The following ATG7 variants were observed in gnomAD, a reference collection of about 807,000 sequenced individuals.
ATG7 encodes autophagy related 7.
Under a neutral mutation model 82.4 loss-of-function variants are expected in ATG7, and 70 were observed. That is an observed-to-expected ratio of 0.85 (90% CI 0.70 to 1.04). ATG7 has a LOEUF of 1.04. Among genes scored for constraint, ATG7 ranks in the 50% least tolerant of loss-of-function variants. The pLI, the probability that ATG7 is intolerant of heterozygous loss-of-function variation, is 0.00. For synonymous variants in ATG7, 287 were observed against 313.0 expected (o/e 0.92, Z 0.88); for missense variants, 792 against 864.3 (o/e 0.92, Z 1.05).
At position 11,417,800 on chromosome 3, in the gene ATG7, A is replaced by ATTATTTTTTT. The variant is rs1553652380; in HGVS notation, c.1957-9002_1957-9001insATTTTTTTTT. The stretch of plus-strand genomic sequence containing the variant: ...CATTTAAAAAATTATTATTATTATT[A>ATTATTTTTTT]TTTTATTTTATTTTATTTTTTTTTT... On this transcript the variant is annotated intron_variant, in intron 19 of 20. Coordinates refer to ENST00000693202, the MANE Select transcript of ATG7 (RefSeq NM_001349232.2). Among the ~76,000 whole-genome samples the ATTATTTTTTT allele has an allele frequency of 1.5e-3, 160 of 109,250 alleles. 2 individuals are homozygous for ATTATTTTTTT. Among genetic ancestry groups the ATTATTTTTTT allele is most frequent in the East Asian group, 3.4e-3 (11 of 3,264 alleles). The allele number at this position is 109,250 out of a possible 152,430, so 71.7% of individuals were successfully genotyped here.
At chr3:11,349,013 A>G (rs1209450819) in intron 14 of ATG7, among the ~76,000 whole-genome samples, 4 of 151,518 alleles carry the variant, frequency 2.6e-5, no homozygotes, top group Admixed American at 1.3e-4. Context: ...TGGTGTGTTT[A>G]CAATCCTCTA....
At chr3:11,279,875 C>T (rs1471449992) in intron 1 of ATG7, among the ~76,000 whole-genome samples, 2 of 151,872 alleles carry the variant, frequency 1.3e-5, no homozygotes, top group Non-Finnish European at 2.9e-5. Flanking sequence ...ACTCCGATTC[C>T]TCTTCTGTTT....
intron 3 of ATG7, among the ~76,000 whole-genome samples, chr3:11,296,156 C>T (rs1180351791): frequency 1.3e-5 from 2 of 152,182 alleles, no homozygotes; most frequent in East Asian, 3.8e-4. Context: ...CTCTGAGTAA[C>T]TTCTAAGAAC....
chr3:11,559,202 C>G (rs2072734098), downstream of ATG7: 3 of 1,409,606 alleles, frequency 2.1e-6, no homozygotes, highest in African/African-American at 4.4e-5. Context: ...TGGACGTGCT[C>G]AAGAAATACT....
rs1425716841 is a variant in ATG7 at position 11,402,445 on chromosome 3, A to T, written c.1956+22393A>T. On this transcript the variant is annotated intron_variant, in intron 19 of 20. Coordinates refer to ENST00000693202, the MANE Select transcript of ATG7 (RefSeq NM_001349232.2). The stretch of plus-strand genomic sequence containing the variant: ...GAGACTCCGTCTCAAAAAATAAATT[A>T]AAAAAAGAAATACTGGATAAGCTAG... 3.9e-5 allele frequency among the ~76,000 whole-genome samples: 6 copies of T among 152,334 alleles called. No individual in the cohort carries two copies. The South Asian group carries it at 8.3e-4, about 21-fold the overall frequency.
intron 20 of ATG7, among the ~76,000 whole-genome samples, chr3:11,522,390 G>T (rs1188284591): frequency 6.6e-6 from 1 of 152,174 alleles, no homozygotes; most frequent in Non-Finnish European, 1.5e-5. Flanking sequence ...CTATAGGTGG[G>T]TTTACAGTAA....
intron 19 of ATG7, among the ~76,000 whole-genome samples, chr3:11,383,445 C>T (rs1214474892): frequency 6.6e-6 from 1 of 152,074 alleles, no homozygotes; most frequent in Admixed American, 6.6e-5. Context: ...ATATACCTTT[C>T]GGTGATGCTA....
In ATG7 at chr3:11,380,805, AC is replaced by A. The variant is rs1402016700; in HGVS notation, c.1956+755del. Among the ~76,000 whole-genome samples the A allele has an allele frequency of 5.9e-5, 9 of 152,266 alleles. No homozygotes were observed. In the East Asian group the frequency reaches 1.7e-3, roughly 29 times the overall value. ...AGTGCTATACAAAATAATGTTGGTG[AC>A]CACTAATCCCCAACTGTGGCTTCTC... On this transcript the variant is annotated intron_variant, in intron 19 of 20. Coordinates refer to ENST00000693202, the MANE Select transcript of ATG7 (RefSeq NM_001349232.2).
intron 3 of ATG7, among the ~76,000 whole-genome samples, chr3:11,288,008 A>G (rs1944369520): frequency 6.6e-6 from 1 of 152,092 alleles, no homozygotes. Context: ...TGGTTTTTGC[A>G]TTTTTTTAAG....
chr3:11,471,690 C>T (rs192945003), intron 20 of ATG7, among the ~76,000 whole-genome samples: 2 of 136,768 alleles, frequency 1.5e-5, no homozygotes, highest in African/African-American at 5.5e-5. Flanking sequence ...CATATTCCAA[C>T]TCTTTTTTTT....
intron 18 of ATG7, among the ~76,000 whole-genome samples, chr3:11,377,202 AG>A (rs775131799): frequency 6.6e-6 from 1 of 152,222 alleles, no homozygotes; most frequent in Non-Finnish European, 1.5e-5. Flanking sequence ...GTTGAGAAGA[AG>A]GGTTTCCTGT....
Position 11,417,698 on chromosome 3 carries a change from T to G in ATG7, c.1957-9106T>G, listed in dbSNP as rs144425767. 4.5e-3 allele frequency among the ~76,000 whole-genome samples: 678 copies of G among 151,762 alleles called. 2 individuals are homozygous for G. Among genetic ancestry groups the G allele is most frequent in the Middle Eastern group, 0.017 (5 of 290 alleles). On this transcript the variant is annotated intron_variant, in intron 19 of 20. Coordinates refer to ENST00000693202, the MANE Select transcript of ATG7 (RefSeq NM_001349232.2). ...TTAATATCTGCCATATTTGTAACTA[T>G]TTTCCATTTGTCACCTTTGTTCTTT...
At chr3:11,531,120 A>G (rs1344267133) in intron 20 of ATG7, among the ~76,000 whole-genome samples, 1 of 152,204 alleles carries the variant, frequency 6.6e-6, no homozygotes, top group Admixed American at 6.5e-5. Context: ...GGGCTGAGGC[A>G]CAGAGAAGTT....
At chr3:11,444,819 A>G (rs2084360005) in intron 20 of ATG7, among the ~76,000 whole-genome samples, 2 of 152,252 alleles carry the variant, frequency 1.3e-5, no homozygotes, top group African/African-American at 2.4e-5. Context: ...TATGCATCTG[A>G]CAAAGGTCTA....
chr3:11,544,358 C>T (rs1386030181), intron 20 of ATG7, among the ~76,000 whole-genome samples: 2 of 152,188 alleles, frequency 1.3e-5, no homozygotes, highest in East Asian at 3.8e-4. Flanking sequence ...ACCCGTGAGG[C>T]CCCCCATCTG....
At chr3:11,353,166 G>A (rs573841328) in intron 14 of ATG7, among the ~76,000 whole-genome samples, 21 of 152,272 alleles carry the variant, frequency 1.4e-4, no homozygotes, top group African/African-American at 4.3e-4. Context: ...ATTTTGGGCC[G>A]GGCACAGTGG....
rs368208971 is a variant in ATG7 at position 11,554,712 on chromosome 3, A to G, written c.2080-99A>G. The stretch of plus-strand genomic sequence containing the variant: ...CTCAGAAACAAGGGAGTGGTTCTGC[A>G]GGTGGGAGCTGCCATGACTGCTGCG... On this transcript the variant is annotated intron_variant, in intron 20 of 20. Coordinates refer to ENST00000693202, the MANE Select transcript of ATG7 (RefSeq NM_001349232.2). 835 of 1,407,430 alleles carry G rather than the reference A, an allele frequency of 5.9e-4. 15 individuals are homozygous for G. In the South Asian group the frequency reaches 9.7e-3, roughly 16 times the overall value. 87.2% of individuals were successfully genotyped at this position (1,407,430 alleles called of 1,614,324 possible). A position where few individuals can be genotyped will look rare whatever the true frequency, so the allele number is the denominator to read the frequency against.
Position 11,477,536 on chromosome 3 carries a change from A to C in ATG7, c.2079+50610A>C, listed in dbSNP as rs570645688. On this transcript the variant is annotated intron_variant, in intron 20 of 20. Transcript: ENST00000693202. ...AAACAAAAAGTTGCCGCAAAAGATA[A>C]GGGCGTTTGTTAGACACAGCTGGAA... is the stretch of plus-strand genomic sequence containing the variant. Among the ~76,000 whole-genome samples, 3 of 152,366 alleles carry C rather than the reference A, an allele frequency of 2.0e-5. No homozygotes were observed. In the East Asian group the frequency reaches 5.8e-4, roughly 29 times the overall value.
At chr3:11,525,933 ACT>A (rs1007583286) in intron 20 of ATG7, among the ~76,000 whole-genome samples, 4 of 151,648 alleles carry the variant, frequency 2.6e-5, no homozygotes, top group Non-Finnish European at 5.9e-5. Context: ...ATGTGTAGAG[ACT>A]CTACCTCTCT....
Sources: gnomAD v4.1 joint callset for allele counts (sites outside exome capture counted in the v4.1 genomes callset) on GRCh38, gnomAD v4.1.1 for gene constraint, MANE v1.5 for transcripts, NCBI Gene and HGNC (gene_info 2026-07-23, HGNC 2026-07-21) for gene names.